SNX6: variants seen among roughly 807,000 people sequenced by gnomAD.
SNX6 encodes the protein sorting nexin-6.
In SNX6, 34 loss-of-function variants were observed where a neutral mutation model predicts 63.0. The ratio of observed to expected loss-of-function variants is 0.54; its 90% CI spans 0.41 to 0.72. SNX6 has a LOEUF of 0.72. SNX6 is among the 30% of genes least tolerant of loss of function. The pLI is 0.00. For missense variants in SNX6, 398 were observed against 471.4 expected (o/e 0.84, Z 1.44); for synonymous variants, 170 against 164.2 (o/e 1.04, Z -0.27).
chr14:34,622,252 G>A (rs1883652803), intron 2 of SNX6, among the ~76,000 whole-genome samples: 1 of 146,732 alleles, frequency 6.8e-6, no homozygotes, highest in Non-Finnish European at 1.5e-5. Context: ...ATGAGCCACT[G>A]CACCCGGCCT....
At chr14:34,619,445 TAGAGAGAG>T (rs368306371) in intron 2 of SNX6, among the ~76,000 whole-genome samples, 1 of 148,128 alleles carries the variant, frequency 6.8e-6, no homozygotes, top group African/African-American at 2.5e-5. Context: ...TATATATATT[TAGAGAGAG>T]AGAGAGAGAG....
chr14:34,574,953 G>T (rs764875014), intron 11 of SNX6, among the ~76,000 whole-genome samples: 1 of 150,454 alleles, frequency 6.6e-6, no homozygotes, highest in South Asian at 2.1e-4. Context: ...GTGCAATGGC[G>T]TGATATCTGC....
intron 4 of SNX6, among the ~76,000 whole-genome samples, chr14:34,606,174 CAA>C (rs946424153): frequency 2.3e-5 from 3 of 129,326 alleles, no homozygotes; most frequent in Non-Finnish European, 3.3e-5. Flanking sequence ...ACCCTGTCTC[CAA>C]AAAAAAAAAG....
At chr14:34,595,682 C>T (rs192886110) in intron 7 of SNX6, among the ~76,000 whole-genome samples, 30 of 152,286 alleles carry the variant, frequency 2.0e-4, no homozygotes, top group Non-Finnish European at 3.2e-4. Flanking sequence ...AAAGCAGCCA[C>T]AGCACATGCA....
At chr14:34,596,678 G>GAA (rs1322851890) in intron 7 of SNX6, among the ~76,000 whole-genome samples, 1 of 149,878 alleles carries the variant, frequency 6.7e-6, no homozygotes, top group Non-Finnish European at 1.5e-5. Flanking sequence ...AAAAAGAAAA[G>GAA]AAAGTAACTT....
At chr14:34,619,452 A>C (rs1883545690) in intron 2 of SNX6, among the ~76,000 whole-genome samples, 1 of 151,908 alleles carries the variant, frequency 6.6e-6, no homozygotes, top group Admixed American at 6.6e-5. Context: ...ATTTAGAGAG[A>C]GAGAGAGAGA....
intron 11 of SNX6, among the ~76,000 whole-genome samples, chr14:34,574,103 C>G (rs7161657): frequency 7.9e-5 from 12 of 151,234 alleles, no homozygotes; most frequent in African/African-American, 2.9e-4. Context: ...TTTGGGAGGC[C>G]GAGGTGGGGG....
At chr14:34,604,085 G>T in intron 5 of SNX6, 4 of 1,153,476 alleles carry the variant, frequency 3.5e-6, no homozygotes, top group East Asian at 6.9e-5. Context: ...CAAGGAAAAG[G>T]CTTGATATTC....
At chr14:34,628,287 G>A (rs1459141496) in intron 2 of SNX6, among the ~76,000 whole-genome samples, 6 of 152,006 alleles carry the variant, frequency 3.9e-5, no homozygotes, top group African/African-American at 1.4e-4. Context: ...ATGAAACCCC[G>A]TCTCTACTAA....
chr14:34,612,534 A>G (rs1345815054), intron 2 of SNX6, among the ~76,000 whole-genome samples: 1 of 151,854 alleles, frequency 6.6e-6, no homozygotes, highest in Non-Finnish European at 1.5e-5. Context: ...CCCATGTTCA[A>G]GTGATTCTCC....
chr14:34,581,468 T>TA (rs1881932310), intron 10 of SNX6, 93 bp downstream of exon 10: 8 of 745,374 alleles, frequency 1.1e-5, no homozygotes, highest in East Asian at 2.5e-5. Context: ...ATCACTCTTT[T>TA]AAAAAAATTT....
At chr14:34,579,962 A>C (rs764312697) in intron 10 of SNX6, among the ~76,000 whole-genome samples, 1 of 152,232 alleles carries the variant, frequency 6.6e-6, no homozygotes, top group African/African-American at 2.4e-5. Flanking sequence ...AGGCAGGCAG[A>C]TCACTTGACA....
intron 11 of SNX6, among the ~76,000 whole-genome samples, chr14:34,573,662 G>A (rs534915981): frequency 4.0e-5 from 6 of 150,766 alleles, no homozygotes; most frequent in South Asian, 2.1e-4. Context: ...TTTTCGAGAC[G>A]GAGTCTCGCT....
intron 2 of SNX6, among the ~76,000 whole-genome samples, chr14:34,627,373 G>A (rs1188264937): frequency 1.3e-5 from 2 of 152,204 alleles, no homozygotes; most frequent in Non-Finnish European, 2.9e-5. Context: ...CGTGAATCCG[G>A]GAGGCGGAGC....
chr14:34,626,777 A>G (rs547781364), intron 2 of SNX6, among the ~76,000 whole-genome samples: 32 of 152,168 alleles, frequency 2.1e-4, no homozygotes, highest in Non-Finnish European at 4.4e-4. Context: ...TCACCAAAAA[A>G]TACTTTTCAC....
chr14:34,603,408 T>C lies in SNX6; in HGVS notation c.456A>G (p.Ala152=). ...AMHEVFLCRV[A]AHPILRRDLN... ...AATCTCTTCTCAAAATAGGATGTGCTGCCACACGACACAGGAACACTTCAT... is the reference window on the plus strand; with the variant it reads ...AATCTCTTCTCAAAATAGGATGTGCCGCCACACGACACAGGAACACTTCAT... Residue 152 remains alanine, a synonymous_variant, in exon 6 of 14, where the codon GCA becomes GCG. Coordinates refer to ENST00000362031, the MANE Select transcript of SNX6 (RefSeq NM_152233.4). The C allele has an allele frequency of 6.2e-7, 1 of 1,610,642 alleles. No individual in the cohort carries two copies. The highest frequency in any genetic ancestry group is 8.5e-7 in the Non-Finnish European group (1 of 1,178,116).
intron 2 of SNX6, among the ~76,000 whole-genome samples, chr14:34,614,261 T>TA (rs200345858): frequency 1.3e-4 from 20 of 150,334 alleles, no homozygotes; most frequent in East Asian, 1.9e-4. Context: ...ACCCCATCTC[T>TA]AAAAAAAAAC....
intron 8 of SNX6, among the ~76,000 whole-genome samples, chr14:34,590,260 C>G (rs1404876424): frequency 6.6e-6 from 1 of 151,864 alleles, no homozygotes; most frequent in Non-Finnish European, 1.5e-5. Flanking sequence ...AACCCTGTCA[C>G]TACTAAAAAT....
intron 2 of SNX6, among the ~76,000 whole-genome samples, chr14:34,613,605 A>G (rs1273944967): frequency 6.6e-6 from 1 of 151,380 alleles, no homozygotes; most frequent in Non-Finnish European, 1.5e-5. Context: ...ATCCTGGCTA[A>G]CACAGTGAAA....
Sources: allele counts gnomAD v4.1 joint callset (sites outside exome capture counted in the v4.1 genomes callset), GRCh38; gene constraint gnomAD v4.1.1; transcripts MANE v1.5; gene names NCBI Gene and HGNC (gene_info 2026-07-23, HGNC 2026-07-21).